The following PTPDC1 variants were observed in gnomAD, a reference collection of about 807,000 sequenced individuals.
The protein encoded by PTPDC1 is protein tyrosine phosphatase domain-containing protein 1.
Under a neutral mutation model 75.3 loss-of-function variants are expected in PTPDC1, and 53 were observed. The observed-to-expected ratio is 0.70, with a 90% CI of 0.56 to 0.88. The LOEUF (loss-of-function observed/expected upper bound fraction) is 0.88. Among genes scored for constraint, PTPDC1 ranks in the 40% least tolerant of loss-of-function variants. The pLI is 0.00. For missense variants in PTPDC1, 925 were observed against 998.6 expected (o/e 0.93, Z 0.99); for synonymous variants, 349 against 366.2 (o/e 0.95, Z 0.54).
intron 2 of PTPDC1, 101 bp downstream of exon 2, chr9:94,085,523 T>C: frequency 1.6e-6 from 2 of 1,289,006 alleles, no homozygotes; most frequent in Non-Finnish European, 2.2e-6. Context: ...TGTGGGACTT[T>C]GAAGTCAGGA....
intron 1 of PTPDC1, among the ~76,000 whole-genome samples, chr9:94,047,959 A>T (rs1825666025): frequency 6.6e-6 from 1 of 152,226 alleles, no homozygotes; most frequent in Admixed American, 6.5e-5. Context: ...CCAGGAGCAG[A>T]TGGATTCACA....
intron 1 of PTPDC1, among the ~76,000 whole-genome samples, chr9:94,039,728 C>G (rs572857680): frequency 6.6e-6 from 1 of 152,190 alleles, no homozygotes; most frequent in Non-Finnish European, 1.5e-5. Context: ...AGAGCAAGAC[C>G]TTCCCAAAAA....
chr9:94,064,718 A>AT, intron 1 of PTPDC1: 12 of 1,597,272 alleles, frequency 7.5e-6, no homozygotes, highest in Non-Finnish European at 8.6e-6. Flanking sequence ...TCAAAAAATA[A>AT]TTTTTTTTCC....
intron 2 of PTPDC1, among the ~76,000 whole-genome samples, chr9:94,072,148 C>T (rs1826531130): frequency 6.6e-6 from 1 of 152,156 alleles, no homozygotes; most frequent in South Asian, 2.1e-4. Context: ...GCTGGGATTA[C>T]AGGCGCCTGC....
chr9:94,060,636 C>T (rs1203062417), intron 1 of PTPDC1, among the ~76,000 whole-genome samples: 1 of 152,142 alleles, frequency 6.6e-6, no homozygotes, highest in East Asian at 1.9e-4. Flanking sequence ...GGAGCTTTTA[C>T]TCATAGCAGA....
At chr9:94,070,672 C>T (rs959467710) in intron 2 of PTPDC1, among the ~76,000 whole-genome samples, 1 of 152,210 alleles carries the variant, frequency 6.6e-6, no homozygotes, top group Non-Finnish European at 1.5e-5. Flanking sequence ...AACCCACCTA[C>T]ACTCCTAACT....
upstream of PTPDC1, chr9:94,084,374 A>G: frequency 2.5e-6 from 3 of 1,199,674 alleles, no homozygotes; most frequent in Non-Finnish European, 3.4e-6. Flanking sequence ...AGTGGGAATC[A>G]GTAGTTTCTT....
At chr9:94,098,608 A>T (rs779323992) in intron 6 of PTPDC1, 29 bp downstream of exon 6, 1 of 1,542,454 alleles carries the variant, frequency 6.5e-7, no homozygotes, top group African/African-American at 1.4e-5. Flanking sequence ...TTAATTATAG[A>T]TATGTGGGAA....
chr9:94,035,378 G>A (rs1449848162), intron 1 of PTPDC1, among the ~76,000 whole-genome samples: 11 of 152,114 alleles, frequency 7.2e-5, no homozygotes, highest in African/African-American at 2.7e-4. Flanking sequence ...CTGCTTCTAT[G>A]AGTTCAGGTG....
At chr9:94,074,971 C>T (rs1826636881) in intron 2 of PTPDC1, among the ~76,000 whole-genome samples, 1 of 152,154 alleles carries the variant, frequency 6.6e-6, no homozygotes, top group Non-Finnish European at 1.5e-5. Context: ...CCACTGGGTC[C>T]CACTTACGTA....
At chr9:94,061,264 G>A (rs371078022) in intron 1 of PTPDC1, among the ~76,000 whole-genome samples, 7 of 152,208 alleles carry the variant, frequency 4.6e-5, no homozygotes, top group Admixed American at 4.6e-4. Context: ...GGGCTCCCAA[G>A]GCCTTGGGCA....
chr9:94,064,769 A>G, exon 2 of PTPDC1: 12 of 1,613,844 alleles, frequency 7.4e-6, no homozygotes, highest in Non-Finnish European at 1.0e-5. Context: ...CTCAGAATGA[A>G]CAACCATATT....
At chr9:94,058,479 A>C (rs1299466943) in intron 1 of PTPDC1, among the ~76,000 whole-genome samples, 2 of 151,934 alleles carry the variant, frequency 1.3e-5, no homozygotes, top group African/African-American at 4.8e-5. Context: ...CGGGCGGATC[A>C]CTTGAAGTCA....
intron 1 of PTPDC1, among the ~76,000 whole-genome samples, chr9:94,036,912 A>G (rs186647396): frequency 6.6e-6 from 1 of 152,306 alleles, no homozygotes; most frequent in Admixed American, 6.5e-5. Flanking sequence ...GTAGCAATCT[A>G]CCCTTCAAAA....
At chr9:94,078,272 C>T (rs1422964371) in intron 2 of PTPDC1, among the ~76,000 whole-genome samples, 2 of 152,192 alleles carry the variant, frequency 1.3e-5, no homozygotes, top group Non-Finnish European at 2.9e-5. Context: ...TGACAGAAAT[C>T]TTGCTGCATG....
intron 7 of PTPDC1, among the ~76,000 whole-genome samples, chr9:94,103,757 C>T (rs1053197408): frequency 1.3e-5 from 2 of 152,152 alleles, no homozygotes; most frequent in African/African-American, 4.8e-5. Flanking sequence ...TATCTTACCC[C>T]CTTAGGTTGG....
At position 94,097,959 on chromosome 9, in the gene PTPDC1, C is replaced by T; in HGVS notation, c.1393C>T (p.Pro465Ser). 1 of 1,614,176 alleles carries T rather than the reference C, an allele frequency of 6.2e-7. No homozygotes were observed. Reference protein sequence around the residue: ...AENLLEQGETPQTVPAQILVG... With the variant: ...AENLLEQGETSQTVPAQILVG... ...GAACCTCCTGGAGCAAGGGGAGACT[C>T]CACAGACAGTGCCTGCCCAGATCTT... The change falls in exon 6 of 9, where the codon CCA becomes TCA. Residue 465 changes from proline to serine, a missense_variant. Transcript: ENST00000620992.
At chr9:94,094,666 C>G (rs563037785) in intron 4 of PTPDC1, among the ~76,000 whole-genome samples, 1 of 152,354 alleles carries the variant, frequency 6.6e-6, no homozygotes, top group South Asian at 2.1e-4. Flanking sequence ...GCGGGCACCC[C>G]TCCCCCAGCC....
Position 94,098,472 on chromosome 9 carries a change from T to A in PTPDC1, c.1906T>A (p.Ser636Thr), listed in dbSNP as rs958078481. ...SEAASHSALQ[S>T]ELSAEARRIL... ...AGCAGCTTCACACTCTGCATTACAG[T>A]CTGAATTGAGTGCTGAGGCAAGAAG... Residue 636 changes from serine (S) to threonine (T), a missense_variant, in exon 6 of 9, where the codon TCT becomes ACT. Transcript: ENST00000620992. 6.8e-6 allele frequency: 11 copies of A among 1,613,940 alleles called. No individual in the cohort carries two copies. In the African/African-American group the frequency reaches 1.5e-4, roughly 22 times the overall value.
Sources: gnomAD v4.1 joint callset for allele counts (sites outside exome capture counted in the v4.1 genomes callset) on GRCh38, gnomAD v4.1.1 for gene constraint, MANE v1.5 for transcripts, NCBI Gene and HGNC (gene_info 2026-07-23, HGNC 2026-07-21) for gene names.